Variants in ARHGAP19 observed in about 807,000 individuals in gnomAD.
ARHGAP19 encodes Rho GTPase activating protein 19.
A neutral mutation model predicts 60.9 loss-of-function variants in ARHGAP19; 48 were observed. The ratio of observed to expected loss-of-function variants is 0.79; its 90% CI spans 0.62 to 1.00. The LOEUF (loss-of-function observed/expected upper bound fraction) is 1.00. Among genes scored for constraint, ARHGAP19 ranks in the 50% least tolerant of loss-of-function variants. ARHGAP19 has a pLI of 0.00. For synonymous variants in ARHGAP19, 209 were observed against 215.5 expected, an observed-to-expected ratio of 0.97 and a Z score of 0.27; for missense variants, 562 against 597.2, an observed-to-expected ratio of 0.94 and a Z score of 0.61.
At chr10:97,252,801 G>A (rs1842703796) in intron 6 of ARHGAP19, among the ~76,000 whole-genome samples, 2 of 152,044 alleles carry the variant, frequency 1.3e-5, no homozygotes, top group Non-Finnish European at 1.5e-5. Flanking sequence ...TCCCACTACT[G>A]GGTATGTATT....
intron 8 of ARHGAP19, among the ~76,000 whole-genome samples, chr10:97,239,319 C>A (rs1013564147): frequency 2.6e-5 from 4 of 151,928 alleles, no homozygotes; most frequent in Admixed American, 2.6e-4. Context: ...ATGGTGAAAC[C>A]CCGTCTCTAC....
chr10:97,289,783 G>C (rs1843205194), intron 1 of ARHGAP19, among the ~76,000 whole-genome samples: 1 of 151,628 alleles, frequency 6.6e-6, no homozygotes. Flanking sequence ...GAGCCCAGGA[G>C]GTTGAGGCTG....
chr10:97,290,340 A>G (rs1435942246), intron 1 of ARHGAP19, among the ~76,000 whole-genome samples: 1 of 152,156 alleles, frequency 6.6e-6, no homozygotes, highest in Admixed American at 6.5e-5. Flanking sequence ...TGAGACTCCC[A>G]TTGCCACTCC....
At chr10:97,281,220 A>C (rs1288821465) in intron 1 of ARHGAP19, among the ~76,000 whole-genome samples, 789 of 17,226 alleles carry the variant, frequency 0.046, 1 homozygote, top group Middle Eastern at 0.091. Flanking sequence ...CTGTCACTAC[A>C]AAAAAAAAAA....
Position 97,259,638 on chromosome 10 carries a change from A to G in ARHGAP19, c.614-10T>C. ...TCAAACTGCATCAAATCTTGAGGAC[A>G]AAAGAGAATTTGCAAAGTGGGGAGA... is the stretch of plus-strand genomic sequence containing the variant. On this transcript the variant is annotated splice_polypyrimidine_tract_variant and intron_variant, in intron 4 of 11. Transcript: ENST00000358531. The G allele has an allele frequency of 9.9e-6, 16 of 1,611,048 alleles. No homozygotes were observed. Among genetic ancestry groups the G allele is most frequent in the Non-Finnish European group, 1.4e-5 (16 of 1,177,262 alleles).
chr10:97,265,638 T>C (rs770941414), intron 2 of ARHGAP19: 16 of 539,544 alleles, frequency 3.0e-5, no homozygotes, highest in Non-Finnish European at 5.1e-5. Context: ...ATGTCTTCTC[T>C]CAGGGACTGA....
At chr10:97,244,931 A>G (rs1842541619) in intron 7 of ARHGAP19, among the ~76,000 whole-genome samples, 1 of 151,590 alleles carries the variant, frequency 6.6e-6, no homozygotes, top group South Asian at 2.1e-4. Flanking sequence ...TTATTTAAAA[A>G]GGCTTAGAAC....
intron 1 of ARHGAP19, among the ~76,000 whole-genome samples, chr10:97,270,891 A>G (rs1485488121): frequency 6.6e-6 from 1 of 152,264 alleles, no homozygotes; most frequent in African/African-American, 2.4e-5. Context: ...GACTCCCATC[A>G]CCACTTAAGC....
intron 1 of ARHGAP19, among the ~76,000 whole-genome samples, chr10:97,283,950 TA>T (rs1285130972): frequency 2.6e-5 from 4 of 152,152 alleles, no homozygotes; most frequent in South Asian, 2.1e-4. Flanking sequence ...TTCTTTTTTT[TA>T]GAGACAGGGT....
At chr10:97,239,127 C>T (rs1466349874) in intron 8 of ARHGAP19, among the ~76,000 whole-genome samples, 1 of 152,148 alleles carries the variant, frequency 6.6e-6, no homozygotes, top group African/African-American at 2.4e-5. Flanking sequence ...ATGATGTTCA[C>T]ACAACAATGA....
chr10:97,273,661 G>A (rs1400735452), intron 1 of ARHGAP19, among the ~76,000 whole-genome samples: 1 of 151,180 alleles, frequency 6.6e-6, no homozygotes, highest in African/African-American at 2.4e-5. Flanking sequence ...GCTAATTTTT[G>A]TATTTTTAGT....
chr10:97,243,513 C>T (rs1488017982), intron 8 of ARHGAP19, among the ~76,000 whole-genome samples: 1 of 152,168 alleles, frequency 6.6e-6, no homozygotes, highest in African/African-American at 2.4e-5. Context: ...GCAAACAACT[C>T]TGTTAGTAAA....
chr10:97,243,386 C>T (rs780876746), intron 8 of ARHGAP19, among the ~76,000 whole-genome samples: 23 of 152,210 alleles, frequency 1.5e-4, no homozygotes, highest in African/African-American at 2.2e-4. Context: ...TTAAACCACA[C>T]TTTGAGTCCC....
intron 1 of ARHGAP19, among the ~76,000 whole-genome samples, chr10:97,283,544 A>G (rs572262033): frequency 1.3e-5 from 2 of 150,670 alleles, no homozygotes; most frequent in South Asian, 2.1e-4. Flanking sequence ...ACAGAGTGAG[A>G]CTCTGTCTCA....
At chr10:97,287,623 G>A (rs750852166) in intron 1 of ARHGAP19, among the ~76,000 whole-genome samples, 15 of 151,834 alleles carry the variant, frequency 9.9e-5, no homozygotes, top group Admixed American at 6.6e-5. Context: ...CATGCCTGTA[G>A]TCCCAGCTAC....
At chr10:97,284,092 C>T (rs1843122778) in intron 1 of ARHGAP19, among the ~76,000 whole-genome samples, 2 of 151,862 alleles carry the variant, frequency 1.3e-5, no homozygotes, top group African/African-American at 4.8e-5. Flanking sequence ...CACCACCACA[C>T]CTAGCTTTTT....
chr10:97,272,494 AG>A (rs1396930517), intron 1 of ARHGAP19, among the ~76,000 whole-genome samples: 2 of 152,278 alleles, frequency 1.3e-5, no homozygotes, highest in Admixed American at 1.3e-4. Context: ...AATATGTGAC[AG>A]AATTGGCAGA....
At chr10:97,246,174 A>C (rs1842560292) in intron 7 of ARHGAP19, 98 bp downstream of exon 7, 1 of 1,015,214 alleles carries the variant, frequency 9.9e-7, no homozygotes, top group Non-Finnish European at 1.5e-6. Flanking sequence ...AAAACTTATT[A>C]TTTTCCATGC....
chr10:97,280,516 C>A (rs930604305), intron 1 of ARHGAP19, among the ~76,000 whole-genome samples: 7 of 151,964 alleles, frequency 4.6e-5, no homozygotes, highest in African/African-American at 1.4e-4. Context: ...CTCTTTCTTA[C>A]CATTTATCTA....
Sources: allele counts gnomAD v4.1 joint callset (sites outside exome capture counted in the v4.1 genomes callset), GRCh38; gene constraint gnomAD v4.1.1; transcripts MANE v1.5; gene names NCBI Gene and HGNC (gene_info 2026-07-23, HGNC 2026-07-21).